CCDC7: variants seen among roughly 807,000 people sequenced by gnomAD.
CCDC7 encodes coiled-coil domain containing 7.
A neutral mutation model predicts 196.9 loss-of-function variants in CCDC7; 183 were observed. That is an observed-to-expected ratio of 0.93 (90% CI 0.82 to 1.05). CCDC7 has a LOEUF of 1.05. Ranked by LOEUF, CCDC7 falls within the 50% of genes least tolerant of loss-of-function variation. The pLI is 0.00. For missense variants in CCDC7, 1,540 were observed against 1,482.2 expected, an observed-to-expected ratio of 1.04 and a Z score of -0.64; for synonymous variants, 525 against 484.6, an observed-to-expected ratio of 1.08 and a Z score of -1.10.
intron 20 of CCDC7, among the ~76,000 whole-genome samples, chr10:32,645,773 C>A (rs989051122): frequency 1.3e-5 from 2 of 151,672 alleles, no homozygotes; most frequent in Non-Finnish European, 2.9e-5. Context: ...TGGTAACTTG[C>A]GTGTGTCCAA....
At chr10:32,780,778 T>C (rs993199753) in intron 29 of CCDC7, among the ~76,000 whole-genome samples, 5 of 152,178 alleles carry the variant, frequency 3.3e-5, no homozygotes, top group African/African-American at 1.2e-4. Flanking sequence ...TGTCTTTCCT[T>C]ATCAGTAATT....
chr10:32,718,565 A>T (rs915964072), intron 25 of CCDC7, among the ~76,000 whole-genome samples: 7 of 152,172 alleles, frequency 4.6e-5, no homozygotes, highest in Admixed American at 4.6e-4. Flanking sequence ...TTCAAATAGG[A>T]TGAGAGGAAG....
intron 21 of CCDC7, among the ~76,000 whole-genome samples, chr10:32,670,675 A>T (rs1204917706): frequency 6.6e-6 from 1 of 151,840 alleles, no homozygotes; most frequent in Admixed American, 6.6e-5. Context: ...GTTTACTGAG[A>T]ATGATGATTT....
rs2076500796 is a variant in CCDC7 at position 32,756,627 on chromosome 10, G to T, written c.2906-22350G>T. On this transcript the variant is annotated intron_variant, in intron 28 of 41. Transcript: ENST00000639629. ...GCACTAAACATGGAAAGGAACAACTGGTACCAGCCACTGGAAAAACATGCC... is the reference window on the plus strand; with the variant it reads ...GCACTAAACATGGAAAGGAACAACTTGTACCAGCCACTGGAAAAACATGCC... 3.3e-5 allele frequency among the ~76,000 whole-genome samples: 5 copies of T among 152,266 alleles called. 1 individual carries two copies. In the Middle Eastern group the frequency reaches 0.014, roughly 414 times the overall value.
intron 20 of CCDC7, among the ~76,000 whole-genome samples, chr10:32,662,539 G>A (rs2071708766): frequency 6.6e-6 from 1 of 152,090 alleles, no homozygotes; most frequent in Admixed American, 6.6e-5. Flanking sequence ...ACTATTAAAT[G>A]ATGATAAGCA....
At chr10:32,464,386 TTC>T (rs1015967429) in intron 5 of CCDC7, among the ~76,000 whole-genome samples, 4 of 152,236 alleles carry the variant, frequency 2.6e-5, no homozygotes, top group Non-Finnish European at 5.9e-5. Context: ...TGTACTCATT[TTC>T]TCTTTCTTTT....
intron 3 of CCDC7, among the ~76,000 whole-genome samples, chr10:32,460,006 A>G (rs1390309486): frequency 6.6e-6 from 1 of 152,288 alleles, no homozygotes; most frequent in East Asian, 1.9e-4. Flanking sequence ...TTATTTATAA[A>G]GGAAAAAACT....
chr10:32,748,619 C>T (rs1281449369), intron 28 of CCDC7, among the ~76,000 whole-genome samples: 1 of 152,162 alleles, frequency 6.6e-6, no homozygotes, highest in Non-Finnish European at 1.5e-5. Context: ...AAAAAGTCTT[C>T]TATAATCTTA....
exon 19 of CCDC7, chr10:32,634,362 A>T (rs2065295777): frequency 9.1e-7 from 1 of 1,097,310 alleles, no homozygotes; most frequent in Non-Finnish European, 1.2e-6. Flanking sequence ...GAAAGACATG[A>T]GGGTAAGTAT....
In CCDC7 at chr10:32,605,480, G is replaced by A. The variant is rs141464618; in HGVS notation, c.1801+21176G>A. ...AGAGGATGAGGGAGTTTGGAACTTC[G>A]TAGAGACTGGTTAAATGATTGTGAC... On this transcript the variant is annotated intron_variant, in intron 18 of 41. Transcript: ENST00000639629. Among the ~76,000 whole-genome samples the A allele has an allele frequency of 2.6e-4, 40 of 152,320 alleles. No individual in the cohort carries two copies. In the East Asian group the frequency reaches 3.9e-3, roughly 15 times the overall value.
At chr10:32,780,037 GA>G (rs2080793065) in intron 29 of CCDC7, among the ~76,000 whole-genome samples, 2 of 152,092 alleles carry the variant, frequency 1.3e-5, no homozygotes, top group African/African-American at 4.8e-5. Flanking sequence ...AGGAAATCAA[GA>G]CCATCCTGGC....
intron 20 of CCDC7, among the ~76,000 whole-genome samples, chr10:32,650,565 C>T (rs2068569127): frequency 6.6e-6 from 1 of 152,156 alleles, no homozygotes; most frequent in Non-Finnish European, 1.5e-5. Context: ...GGGAAACAGG[C>T]AACACCCTTT....
intron 32 of CCDC7, among the ~76,000 whole-genome samples, chr10:32,827,507 T>C (rs1453617221): frequency 6.6e-6 from 1 of 152,166 alleles, no homozygotes; most frequent in African/African-American, 2.4e-5. Flanking sequence ...TACACCATCA[T>C]GGCATTGTCT....
chr10:32,749,100 T>C (rs1366208325), intron 28 of CCDC7, among the ~76,000 whole-genome samples: 1 of 152,222 alleles, frequency 6.6e-6, no homozygotes, highest in African/African-American at 2.4e-5. Context: ...AGGTTTCTGC[T>C]TCATTAAGTT....
upstream of CCDC7, among the ~76,000 whole-genome samples, chr10:32,448,462 G>C (rs2032052219): frequency 6.6e-6 from 1 of 151,888 alleles, no homozygotes; most frequent in Middle Eastern, 3.2e-3. Context: ...ATTGTTATCT[G>C]CTGTCCATAT....
At chr10:32,783,763 A>G (rs2081394153) in intron 29 of CCDC7, among the ~76,000 whole-genome samples, 1 of 152,272 alleles carries the variant, frequency 6.6e-6, no homozygotes. Context: ...CAGCAAATGA[A>G]TGCAGAAACA....
chr10:32,615,104 C>T (rs1004104758), intron 18 of CCDC7, among the ~76,000 whole-genome samples: 2 of 152,076 alleles, frequency 1.3e-5, no homozygotes, highest in African/African-American at 2.4e-5. Context: ...TTGTTGTTTC[C>T]GTATCTTTGC....
At chr10:32,555,553 C>G (rs1252633730) in intron 13 of CCDC7, among the ~76,000 whole-genome samples, 1 of 152,002 alleles carries the variant, frequency 6.6e-6, no homozygotes, top group Non-Finnish European at 1.5e-5. Flanking sequence ...CTATTTTTAA[C>G]TTTTTAAGGA....
downstream of CCDC7, among the ~76,000 whole-genome samples, chr10:32,878,440 T>C (rs921991502): frequency 6.6e-5 from 10 of 152,092 alleles, no homozygotes; most frequent in Non-Finnish European, 1.5e-4. Context: ...GGACCAGGAA[T>C]AGTCTTTCAA....
Sources: gnomAD v4.1 joint callset for allele counts (sites outside exome capture counted in the v4.1 genomes callset) on GRCh38, gnomAD v4.1.1 for gene constraint, MANE v1.5 for transcripts, NCBI Gene and HGNC (gene_info 2026-07-23, HGNC 2026-07-21) for gene names.